Variants in ASTN2 observed in about 807,000 individuals in gnomAD.
ASTN2 encodes astrotactin-2.
Under a neutral mutation model 139.8 loss-of-function variants are expected in ASTN2, and 54 were observed. That is an observed-to-expected ratio of 0.39 (90% CI 0.31 to 0.48). The LOEUF (loss-of-function observed/expected upper bound fraction) is 0.48, where lower values mean the gene tolerates loss of function less well. ASTN2 is among the 20% of genes least tolerant of loss of function. The pLI is 0.95. For missense variants in ASTN2, 1,565 were observed against 1,725.1 expected, an observed-to-expected ratio of 0.91 and a Z score of 1.64; for synonymous variants, 756 against 719.5, an observed-to-expected ratio of 1.05 and a Z score of -0.81.
At chr9:116,966,161 G>T (rs1008289685) in intron 10 of ASTN2, among the ~76,000 whole-genome samples, 11 of 152,150 alleles carry the variant, frequency 7.2e-5, no homozygotes, top group African/African-American at 2.4e-4. Flanking sequence ...TTTTAAAAGT[G>T]TTTAACTTCT....
At chr9:117,231,322 T>C (rs1253246470) in intron 2 of ASTN2, among the ~76,000 whole-genome samples, 1 of 152,228 alleles carries the variant, frequency 6.6e-6, no homozygotes, top group Non-Finnish European at 1.5e-5. Context: ...TTTGCCTACA[T>C]ACCTGCCATC....
intron 10 of ASTN2, among the ~76,000 whole-genome samples, chr9:116,894,542 T>C (rs867464773): frequency 3.3e-5 from 5 of 152,234 alleles, no homozygotes; most frequent in Middle Eastern, 3.4e-3. Flanking sequence ...CAGGCTGGAG[T>C]ACAGTTGCAT....
intron 11 of ASTN2, among the ~76,000 whole-genome samples, chr9:116,856,677 T>TAACAACAAAGG (rs1832750093): frequency 6.6e-6 from 1 of 152,232 alleles, no homozygotes; most frequent in Admixed American, 6.5e-5. Context: ...AAGGCAGCTC[T>TAACAACAAAGG]TGTTGTTGTC....
At chr9:117,007,274 C>A (rs141340470) in intron 7 of ASTN2, among the ~76,000 whole-genome samples, 1 of 152,086 alleles carries the variant, frequency 6.6e-6, no homozygotes, top group African/African-American at 2.4e-5. Context: ...TCCCCTACAC[C>A]GGCATCTATC....
chr9:116,588,756 G>A (rs959483774), intron 19 of ASTN2, among the ~76,000 whole-genome samples: 2 of 152,082 alleles, frequency 1.3e-5, no homozygotes, highest in African/African-American at 4.8e-5. Flanking sequence ...CAGATCTTAA[G>A]TGCATAGTTC....
At chr9:116,810,587 C>T (rs752595047) in intron 12 of ASTN2, among the ~76,000 whole-genome samples, 8 of 152,226 alleles carry the variant, frequency 5.3e-5, no homozygotes, top group Non-Finnish European at 1.0e-4. Context: ...AAAGCTGTTA[C>T]TGATTTTTCG....
At chr9:117,062,099 G>A (rs1419085647) in intron 5 of ASTN2, among the ~76,000 whole-genome samples, 5 of 152,128 alleles carry the variant, frequency 3.3e-5, no homozygotes, top group African/African-American at 7.2e-5. Flanking sequence ...TGTACCACAC[G>A]ATGAATTATG....
chr9:116,697,994 G>A, intron 16 of ASTN2: 3 of 1,614,212 alleles, frequency 1.9e-6, no homozygotes, highest in Non-Finnish European at 2.5e-6. Flanking sequence ...CAGTGCTAAA[G>A]ATCATTGATA....
At chr9:116,563,435 A>C (rs914216370) in intron 19 of ASTN2, among the ~76,000 whole-genome samples, 5 of 152,090 alleles carry the variant, frequency 3.3e-5, no homozygotes, top group Admixed American at 6.5e-5. Flanking sequence ...CCAACAGAAT[A>C]GCAAGGAAAG....
intron 6 of ASTN2, among the ~76,000 whole-genome samples, chr9:117,015,890 T>C (rs1588482557): frequency 6.6e-6 from 1 of 152,126 alleles, no homozygotes; most frequent in Non-Finnish European, 1.5e-5. Flanking sequence ...TTACAGACTA[T>C]CAGAAAAATT....
At chr9:116,742,972 A>G (rs368013109) in intron 13 of ASTN2, among the ~76,000 whole-genome samples, 4 of 152,136 alleles carry the variant, frequency 2.6e-5, no homozygotes, top group East Asian at 3.9e-4. Flanking sequence ...AAGACCATCC[A>G]TACCTCAATG....
chr9:117,176,143 T>G (rs1425863845), intron 3 of ASTN2, among the ~76,000 whole-genome samples: 1 of 152,086 alleles, frequency 6.6e-6, no homozygotes, highest in Non-Finnish European at 1.5e-5. Context: ...ACATGCAAAT[T>G]AAATAATCAT....
intron 3 of ASTN2, among the ~76,000 whole-genome samples, chr9:117,147,087 T>C (rs1830215154): frequency 6.6e-6 from 1 of 152,176 alleles, no homozygotes; most frequent in Non-Finnish European, 1.5e-5. Flanking sequence ...GGGTGGACCC[T>C]GAGTCATTTT....
At chr9:116,883,911 C>G (rs1564321691) in intron 10 of ASTN2, among the ~76,000 whole-genome samples, 1 of 152,200 alleles carries the variant, frequency 6.6e-6, no homozygotes, top group Non-Finnish European at 1.5e-5. Context: ...GACAAAGCTT[C>G]AGGCTTTTGA....
At chr9:117,062,931 C>G (rs765103794) in intron 5 of ASTN2, among the ~76,000 whole-genome samples, 18 of 152,256 alleles carry the variant, frequency 1.2e-4, no homozygotes, top group Non-Finnish European at 2.1e-4. Flanking sequence ...AAGGGGCTAG[C>G]CTTGGCTCCA....
intron 16 of ASTN2, among the ~76,000 whole-genome samples, chr9:116,714,688 A>G (rs1828264887): frequency 6.6e-6 from 1 of 152,226 alleles, no homozygotes; most frequent in African/African-American, 2.4e-5. Flanking sequence ...CCATTTGTTG[A>G]AACTTACACC....
chr9:116,654,730 C>A (rs1176079928), intron 16 of ASTN2, among the ~76,000 whole-genome samples: 1 of 152,194 alleles, frequency 6.6e-6, no homozygotes, highest in Non-Finnish European at 1.5e-5. Context: ...AAACGACTAT[C>A]TTATGTTATC....
intron 2 of ASTN2, among the ~76,000 whole-genome samples, chr9:117,233,185 G>A (rs1832947969): frequency 6.6e-6 from 1 of 152,156 alleles, no homozygotes; most frequent in South Asian, 2.1e-4. Context: ...AGAAATCAGG[G>A]AGGGGCTGCA....
chr9:116,962,493 G>A (rs1161561932), intron 10 of ASTN2, among the ~76,000 whole-genome samples: 1 of 152,200 alleles, frequency 6.6e-6, no homozygotes, highest in East Asian at 1.9e-4. Flanking sequence ...ATTACTTGAT[G>A]TCTTCAGGAA....
Sources: gnomAD v4.1 joint callset for allele counts (sites outside exome capture counted in the v4.1 genomes callset) on GRCh38, gnomAD v4.1.1 for gene constraint, MANE v1.5 for transcripts, NCBI Gene and HGNC (gene_info 2026-07-23, HGNC 2026-07-21) for gene names.